Variants in TCTN3 observed in about 807,000 individuals in gnomAD.
TCTN3 encodes tectonic family member 3, also known as tectonic-3.
In TCTN3, 57 loss-of-function variants were observed where a neutral mutation model predicts 71.3. That is an observed-to-expected ratio of 0.80 (90% CI 0.65 to 1.00). The LOEUF (loss-of-function observed/expected upper bound fraction) is 1.00, where lower values mean the gene tolerates loss of function less well. Ranked by LOEUF, TCTN3 falls within the 50% of genes least tolerant of loss-of-function variation. The pLI, the probability that TCTN3 is intolerant of heterozygous loss-of-function variation, is 0.00. For missense variants in TCTN3, 696 were observed against 719.9 expected (o/e 0.97, Z 0.38); for synonymous variants, 258 against 267.8 (o/e 0.96, Z 0.36).
Position 95,683,642 on chromosome 10 carries a change from G to C in TCTN3, c.1096-13C>G. On this transcript the variant is annotated splice_polypyrimidine_tract_variant and intron_variant, in intron 9 of 13. Transcript: ENST00000371217. ...TCTGTTGAAAAGCCTGCAGAAAGAGGGAAGAGAAGTCAATTATGGAGATAA... is the reference window on the plus strand; with the variant it reads ...TCTGTTGAAAAGCCTGCAGAAAGAGCGAAGAGAAGTCAATTATGGAGATAA... 6.3e-7 allele frequency: 1 copy of C among 1,598,296 alleles called. No individual in the cohort carries two copies. The highest frequency in any genetic ancestry group is 8.5e-7 in the Non-Finnish European group (1 of 1,170,644).
chr10:95,692,766 TG>T (rs1328348499), intron 3 of TCTN3, 153 bp downstream of exon 3: 2 of 601,822 alleles, frequency 3.3e-6, no homozygotes, highest in Non-Finnish European at 5.8e-6. Flanking sequence ...ACATTTTTTT[TG>T]CTTTTTTTTT....
rs1239506851 is a variant in TCTN3 at position 95,684,481 on chromosome 10, T to TA, written c.1095+17dup. 1 of 1,611,946 alleles carries TA rather than the reference T, an allele frequency of 6.2e-7. No homozygotes were observed. Among genetic ancestry groups the TA allele is most frequent in the Non-Finnish European group, 8.5e-7 (1 of 1,179,276 alleles). ...TATTTCTTCCCCTCTAAATCCCCTATAAGAGAAGGGCCCTAACCCTGAAGC... is the reference window on the plus strand; with the variant it reads ...TATTTCTTCCCCTCTAAATCCCCTATAAAGAGAAGGGCCCTAACCCTGAAGC... On this transcript the variant is annotated intron_variant, in intron 9 of 13. Coordinates refer to ENST00000371217, the MANE Select transcript of TCTN3 (RefSeq NM_015631.6).
chr10:95,688,155 G>A (rs1041965819), intron 3 of TCTN3, among the ~76,000 whole-genome samples: 18 of 151,994 alleles, frequency 1.2e-4, no homozygotes, highest in Non-Finnish European at 1.9e-4. Flanking sequence ...TTGGGAGGCC[G>A]AGGCAGGTGG....
At chr10:95,687,222 G>A (rs1432785161) in intron 5 of TCTN3, 25 bp downstream of exon 5, 6 of 1,611,788 alleles carry the variant, frequency 3.7e-6, no homozygotes, top group South Asian at 1.1e-5. Flanking sequence ...GAATGAAAAG[G>A]TTGGTACTTT....
In TCTN3 at chr10:95,677,474, G is replaced by GTTTTTTTTTTTTTTTTTTTTTTTTTT. The variant is rs10654251; in HGVS notation, c.1590+2997_1590+2998insAAAAAAAAAAAAAAAAAAAAAAAAAA. Among the ~76,000 whole-genome samples, 14 of 80,770 alleles carry GTTTTTTTTTTTTTTTTTTTTTTTTTT rather than the reference G, an allele frequency of 1.7e-4. 2 individuals are homozygous for GTTTTTTTTTTTTTTTTTTTTTTTTTT. The highest frequency in any genetic ancestry group is 3.7e-4 in the South Asian group (1 of 2,728). 53.0% of individuals were successfully genotyped at this position (80,770 alleles called of 152,430 possible). A position where few individuals can be genotyped will look rare whatever the true frequency, so the allele number is the denominator to read the frequency against. On this transcript the variant is annotated intron_variant, in intron 13 of 13. Coordinates refer to ENST00000371217, the MANE Select transcript of TCTN3 (RefSeq NM_015631.6). Reference sequence around the variant, plus strand: ...ATACAAGAAGATAGTGAAGTCTACAGTTTTTTTTGTTTTTTTTTTTTTTTT... The same window carrying GTTTTTTTTTTTTTTTTTTTTTTTTTT: ...ATACAAGAAGATAGTGAAGTCTACAGTTTTTTTTTTTTTTTTTTTTTTTTTTTTTTTTTTGTTTTTTTTTTTTTTTT...
chr10:95,683,484 T>C (rs2097945162), intron 10 of TCTN3, 38 bp downstream of exon 10: 4 of 1,614,150 alleles, frequency 2.5e-6, no homozygotes, highest in Non-Finnish European at 3.4e-6. Flanking sequence ...GCTTTTCTCA[T>C]TAGGCTGCAA....
chr10:95,681,206 GC>G (rs906373597), intron 12 of TCTN3, among the ~76,000 whole-genome samples: 2 of 151,962 alleles, frequency 1.3e-5, no homozygotes, highest in Admixed American at 1.3e-4. Context: ...CTCCCCAGTA[GC>G]TGGGATTACA....
At chr10:95,667,713 C>A (rs368895909) in intron 13 of TCTN3, among the ~76,000 whole-genome samples, 7 of 152,188 alleles carry the variant, frequency 4.6e-5, no homozygotes, top group African/African-American at 1.7e-4. Context: ...ATGCTTACTT[C>A]ATTTTAGATG....
intron 12 of TCTN3, 140 bp from the exon 13 acceptor site, chr10:95,680,749 C>A: frequency 1.4e-5 from 11 of 773,374 alleles, no homozygotes; most frequent in Non-Finnish European, 1.9e-5. Context: ...CACAAAAGTT[C>A]ACAATAAGAC....
intron 12 of TCTN3, among the ~76,000 whole-genome samples, chr10:95,681,372 G>C (rs1035302791): frequency 6.6e-5 from 10 of 152,036 alleles, no homozygotes; most frequent in Non-Finnish European, 1.3e-4. Context: ...CATGGCACCT[G>C]GCTTCCTTGA....
In TCTN3 at chr10:95,680,407, C is replaced by T. The variant is rs188370255; in HGVS notation, c.1590+65G>A. On this transcript the variant is annotated intron_variant, in intron 13 of 13. Coordinates refer to ENST00000371217, the MANE Select transcript of TCTN3 (RefSeq NM_015631.6). ...GGAAGGTAAAAAATTATTTGGTTAA[C>T]AAATGACTGATAAGACAATCTAGGC... 2,261 of 1,519,890 alleles carry T rather than the reference C, an allele frequency of 1.5e-3. 5 individuals are homozygous for T. Among genetic ancestry groups the T allele is most frequent in the Non-Finnish European group, 1.7e-3 (1,966 of 1,135,270 alleles). The allele number at this position is 1,519,890 out of a possible 1,614,324, so 94.2% of individuals were successfully genotyped here. A position where few individuals can be genotyped will look rare whatever the true frequency, so the allele number is the denominator to read the frequency against.
chr10:95,684,745 T>G, intron 8 of TCTN3, 121 bp from the exon 9 acceptor site: 3 of 1,071,170 alleles, frequency 2.8e-6, no homozygotes, highest in Non-Finnish European at 3.9e-6. Context: ...GAAACAGTAA[T>G]GTTAAAAATG....
chr10:95,684,771 A>G (rs953883728), intron 8 of TCTN3, 147 bp from the exon 9 acceptor site: 2 of 829,378 alleles, frequency 2.4e-6, no homozygotes, highest in African/African-American at 3.5e-5. Flanking sequence ...CACAAATACT[A>G]TGAAAGATAA....
intron 3 of TCTN3, among the ~76,000 whole-genome samples, chr10:95,688,415 A>AAAAAAAAAAG (rs2097950679): frequency 8.1e-6 from 1 of 124,034 alleles, no homozygotes. Flanking sequence ...AAAAAAAAAA[A>AAAAAAAAAAG]AAAGAAAAAA....
Position 95,693,711 on chromosome 10 carries a change from G to A in TCTN3, c.189C>T (p.Leu63=), listed in dbSNP as rs2097955976. The part of the protein sequence containing the change: ...ATATRPAVPG[L]PTVVPTLVTP... Reference sequence around the variant, plus strand: ...TCACGAGAGTAGGGACCACTGTAGGGAGTCCAGGCACGGCCGGGCGAGTTG... The same window carrying A: ...TCACGAGAGTAGGGACCACTGTAGGAAGTCCAGGCACGGCCGGGCGAGTTG... The change falls in exon 1 of 14, where the codon CTC becomes CTT. Residue 63 remains leucine (L), a synonymous_variant. Transcript: ENST00000371217. The A allele has an allele frequency of 6.4e-7, 1 of 1,551,710 alleles. No homozygotes were observed.
At chr10:95,680,670 C>A in intron 12 of TCTN3, 61 bp from the exon 13 acceptor site, 2 of 1,577,614 alleles carry the variant, frequency 1.3e-6, no homozygotes, top group Non-Finnish European at 1.7e-6. Flanking sequence ...AGTCAATCAC[C>A]AAGTACTAAG....
rs989871233 is a variant in TCTN3, at chr10:95,673,804, C to A, written c.1590+6668G>T. Among the ~76,000 whole-genome samples the A allele has an allele frequency of 2.0e-5, 3 of 152,220 alleles. No homozygotes were observed. The East Asian group carries it at 5.8e-4, about 29-fold the overall frequency. On this transcript the variant is annotated intron_variant, in intron 13 of 13. Coordinates refer to ENST00000371217, the MANE Select transcript of TCTN3 (RefSeq NM_015631.6). ...GCAGTGAACTATGATGGCACCACTT[C>A]ACTCCAGCCTGGGCTGTAACACAAT...
chr10:95,690,114 G>C (rs1184486423), intron 3 of TCTN3, among the ~76,000 whole-genome samples: 1 of 151,844 alleles, frequency 6.6e-6, no homozygotes, highest in African/African-American at 2.4e-5. Context: ...CTCCCAAGTA[G>C]CTGGCACTAC....
intron 13 of TCTN3, among the ~76,000 whole-genome samples, chr10:95,677,481 T>TTTTTTTTTTTTTTTTTTTTTTTTTC (rs1566068551): frequency 1.6e-5 from 1 of 61,052 alleles, no homozygotes; most frequent in Non-Finnish European, 4.3e-5. Context: ...ACAGTTTTTT[T>TTTTTTTTTTTTTTTTTTTTTTTTTC]TGTTTTTTTT....
Sources: gnomAD v4.1 joint callset for allele counts (sites outside exome capture counted in the v4.1 genomes callset) on GRCh38, gnomAD v4.1.1 for gene constraint, MANE v1.5 for transcripts, NCBI Gene and HGNC (gene_info 2026-07-23, HGNC 2026-07-21) for gene names.